KCNH1: variants seen among roughly 807,000 people sequenced by gnomAD.
KCNH1 encodes the protein voltage-gated delayed rectifier potassium channel KCNH1.
A neutral mutation model predicts 69.2 loss-of-function variants in KCNH1; 27 were observed. The ratio of observed to expected loss-of-function variants is 0.39; its 90% CI spans 0.29 to 0.54. The LOEUF (loss-of-function observed/expected upper bound fraction) is 0.54, where lower values mean the gene tolerates loss of function less well. Ranked by LOEUF, KCNH1 falls within the 20% of genes least tolerant of loss-of-function variation. The pLI is 0.68. For missense variants in KCNH1, 798 were observed against 1,261.6 expected, an observed-to-expected ratio of 0.63 and a Z score of 5.57; for synonymous variants, 456 against 487.7, an observed-to-expected ratio of 0.93 and a Z score of 0.86.
intron 3 of KCNH1, among the ~76,000 whole-genome samples, chr1:211,098,154 C>CAA (rs1691191927): frequency 6.6e-6 from 1 of 151,264 alleles, no homozygotes; most frequent in Non-Finnish European, 1.5e-5. Flanking sequence ...CCCGACTCTA[C>CAA]AAAAATACAA....
chr1:210,923,392 G>T (rs1349469463), intron 6 of KCNH1, among the ~76,000 whole-genome samples: 1 of 152,114 alleles, frequency 6.6e-6, no homozygotes, highest in Non-Finnish European at 1.5e-5. Flanking sequence ...GAGATAAACT[G>T]CCATTGGGGG....
At chr1:210,972,094 G>A (rs1408989434) in intron 6 of KCNH1, among the ~76,000 whole-genome samples, 1 of 152,058 alleles carries the variant, frequency 6.6e-6, no homozygotes, top group African/African-American at 2.4e-5. Context: ...ATTGGTGAAT[G>A]CTTCCTACAC....
At chr1:211,030,913 T>G (rs1027980425) in intron 5 of KCNH1, among the ~76,000 whole-genome samples, 1 of 151,880 alleles carries the variant, frequency 6.6e-6, no homozygotes, top group Non-Finnish European at 1.5e-5. Context: ...ATAAAAAATG[T>G]AAAAGCTGAG....
chr1:210,941,986 TC>T (rs1687884906), intron 6 of KCNH1, among the ~76,000 whole-genome samples: 1 of 152,144 alleles, frequency 6.6e-6, no homozygotes, highest in Non-Finnish European at 1.5e-5. Context: ...ACTCTTCCAT[TC>T]CATGAAGCAA....
At chr1:210,935,157 C>T (rs1418744470) in intron 6 of KCNH1, among the ~76,000 whole-genome samples, 1 of 105,610 alleles carries the variant, frequency 9.5e-6, no homozygotes, top group African/African-American at 3.7e-5. Flanking sequence ...CACACACACA[C>T]ACACACACGA....
intron 6 of KCNH1, among the ~76,000 whole-genome samples, chr1:210,922,840 G>A (rs1038794315): frequency 3.3e-5 from 5 of 152,204 alleles, no homozygotes; most frequent in Admixed American, 6.5e-5. Context: ...GCAAAGGAGT[G>A]TTTTTGATGA....
intron 6 of KCNH1, among the ~76,000 whole-genome samples, chr1:210,985,098 T>A (rs1481997300): frequency 6.6e-6 from 1 of 152,218 alleles, no homozygotes; most frequent in East Asian, 1.9e-4. Context: ...TCTCTGATGG[T>A]AGTTCGTATT....
At chr1:210,794,557 G>A (rs1684270178) in intron 9 of KCNH1, among the ~76,000 whole-genome samples, 1 of 152,168 alleles carries the variant, frequency 6.6e-6, no homozygotes, top group African/African-American at 2.4e-5. Context: ...CTCACAAGAA[G>A]CCCAGGATGA....
rs1166618548 is a variant in KCNH1 at position 210,681,137 on chromosome 1, A to T, written c.*2144T>A. 1 of 151,872 alleles carries T rather than the reference A, an allele frequency of 6.6e-6. No homozygotes were observed. Among genetic ancestry groups the T allele is most frequent in the Non-Finnish European group, 1.5e-5 (1 of 67,988 alleles). 9.4% of individuals were successfully genotyped at this position (151,872 alleles called of 1,614,324 possible). A position where few individuals can be genotyped will look rare whatever the true frequency, so the allele number is the denominator to read the frequency against. ...CCTGCCTTAAAAGTGGTGGGTCCTA[A>T]ACTTCAGAAGCAGGTTGAGGAGCAT... is the stretch of plus-strand genomic sequence containing the variant. On this transcript the variant is annotated 3_prime_UTR_variant, in exon 11 of 11. Coordinates refer to ENST00000271751, the MANE Select transcript of KCNH1 (RefSeq NM_172362.3).
rs562024616 is a variant in KCNH1, at chr1:211,071,855, A to G, written c.558+10925T>C. Among the ~76,000 whole-genome samples, 3 of 152,320 alleles carry G rather than the reference A, an allele frequency of 2.0e-5. No individual in the cohort carries two copies. In the South Asian group the frequency reaches 6.2e-4, roughly 32 times the overall value. On this transcript the variant is annotated intron_variant, in intron 5 of 10. Transcript: ENST00000271751. ...TCAAACCCATGTTATTCAAGGGTCAACTGTACATCCAACTTCTCAGAAACC... is the reference window on the plus strand; with the variant it reads ...TCAAACCCATGTTATTCAAGGGTCAGCTGTACATCCAACTTCTCAGAAACC...
intron 7 of KCNH1, among the ~76,000 whole-genome samples, chr1:210,844,868 A>G (rs12046805): frequency 0.21 from 32,284 of 152,124 alleles, 4,254 homozygotes; most frequent in East Asian, 0.45. Flanking sequence ...AGAATCAAAC[A>G]GATGCAATAA....
At chr1:210,892,752 G>A (rs1188897716) in intron 7 of KCNH1, among the ~76,000 whole-genome samples, 1 of 152,140 alleles carries the variant, frequency 6.6e-6, no homozygotes, top group African/African-American at 2.4e-5. Context: ...AATTGGTCTT[G>A]CCTCAAGAAG....
intron 7 of KCNH1, among the ~76,000 whole-genome samples, chr1:210,874,752 A>G (rs962735075): frequency 3.3e-5 from 5 of 152,244 alleles, no homozygotes; most frequent in Admixed American, 3.3e-4. Context: ...GCATAGCTAT[A>G]ATGCCAAAGA....
rs368649631 is a variant in KCNH1 at position 211,121,932 on chromosome 1, G to A, written c.79+11935C>T. Among the ~76,000 whole-genome samples, 862 of 152,252 alleles carry A rather than the reference G, an allele frequency of 5.7e-3. 5 individuals are homozygous for A. The highest frequency in any genetic ancestry group is 0.017 in the African/African-American group (716 of 41,536). On this transcript the variant is annotated intron_variant, in intron 1 of 10. Coordinates refer to ENST00000271751, the MANE Select transcript of KCNH1 (RefSeq NM_172362.3). ...GGGCGGATCACGAGGTCAGGAGATCGAGACCATCCTGGCTAACACGGTGAA... is the reference window on the plus strand; with the variant it reads ...GGGCGGATCACGAGGTCAGGAGATCAAGACCATCCTGGCTAACACGGTGAA...
intron 8 of KCNH1, among the ~76,000 whole-genome samples, chr1:210,799,307 C>G (rs1684384452): frequency 6.6e-6 from 1 of 152,168 alleles, no homozygotes; most frequent in Non-Finnish European, 1.5e-5. Context: ...TATGGCACAG[C>G]TGGGGTTTCA....
intron 5 of KCNH1, 136 bp downstream of exon 5, chr1:211,082,644 T>C: frequency 1.4e-6 from 1 of 703,244 alleles, no homozygotes; most frequent in East Asian, 2.5e-5. Flanking sequence ...CACTGTGGTG[T>C]GTAAGCCCAG....
chr1:210,887,269 C>T (rs1686634256), intron 7 of KCNH1, among the ~76,000 whole-genome samples: 1 of 152,112 alleles, frequency 6.6e-6, no homozygotes, highest in Admixed American at 6.5e-5. Context: ...TGATTTTCAA[C>T]CCAGAATTTC....
rs779897616 is a variant in KCNH1, at chr1:210,747,044, T to C, written c.2112+28304A>G. Among the ~76,000 whole-genome samples the C allele has an allele frequency of 2.6e-5, 4 of 152,144 alleles. No homozygotes were observed. In the East Asian group the frequency reaches 5.8e-4, roughly 22 times the overall value. On this transcript the variant is annotated intron_variant, in intron 10 of 10. Coordinates refer to ENST00000271751, the MANE Select transcript of KCNH1 (RefSeq NM_172362.3). ...TCATTAGGGAAACTCCAGAAACTTA[T>C]AAGATTTCACACTGCAACAGGGGAA... is the stretch of plus-strand genomic sequence containing the variant.
In KCNH1 at chr1:210,683,929, C is replaced by G; in HGVS notation, c.2322G>C (p.Glu774Asp). Residue 774 changes from glutamate (E) to aspartate (D), a missense_variant, in exon 11 of 11, where the codon GAG becomes GAC. Physicochemically the swap from Glu to Asp is conservative, Grantham distance 45. Transcript: ENST00000271751. This position sits in a 1 kb window ranked among gnomAD's most constrained non-coding sequence, Gnocchi z 5.7. ...LDVEKGNVLT[E>D]HASANHSLVK... ...CGAGGCTGTGGTTGGCGGAGGCATG[C>G]TCTGTAAGGACATTGCCCTTCTCCA... The G allele has an allele frequency of 6.2e-7, 1 of 1,611,908 alleles. No homozygotes were observed. Among genetic ancestry groups the G allele is most frequent in the South Asian group, 1.1e-5 (1 of 91,010 alleles).
Sources: allele counts gnomAD v4.1 joint callset (sites outside exome capture counted in the v4.1 genomes callset), GRCh38; gene constraint gnomAD v4.1.1; non-coding constraint Gnocchi (gnomAD v3.1); transcripts MANE v1.5; gene names NCBI Gene and HGNC (gene_info 2026-07-23, HGNC 2026-07-21).